Variants in ZNF91 observed in about 807,000 individuals in gnomAD.
ZNF91 encodes zinc finger protein 91 (HPF7, HTF10).
A neutral mutation model predicts 12.6 loss-of-function variants in ZNF91; 7 were observed. The observed-to-expected ratio is 0.55, with a 90% confidence interval of 0.31 to 1.04. The LOEUF is 1.04. Ranked by LOEUF, ZNF91 falls within the 50% of genes least tolerant of loss-of-function variation. ZNF91 has a pLI of 0.05. For synonymous variants in ZNF91, 453 were observed against 462.6 expected, an observed-to-expected ratio of 0.98 and a Z score of 0.27; for missense variants, 1,217 against 1,385.4, an observed-to-expected ratio of 0.88 and a Z score of 1.93.
Position 23,393,321 on chromosome 19 carries a change from C to T in ZNF91, c.30+2004G>A, listed in dbSNP as rs922335009. The stretch of plus-strand genomic sequence containing the variant: ...GAAATGCCTCTCAGCCTCAGGGCAT[C>T]CACGTCCACACTTGAGAAGCTAAAC... On this transcript the variant is annotated intron_variant, in intron 1 of 3. Coordinates refer to ENST00000300619, the MANE Select transcript of ZNF91 (RefSeq NM_003430.4). Among the ~76,000 whole-genome samples, 37 of 152,240 alleles carry T rather than the reference C, an allele frequency of 2.4e-4. 1 individual carries two copies. The highest frequency in any genetic ancestry group is 7.5e-4 in the African/African-American group (31 of 41,552).
chr19:23,349,303 A>G (rs1968305544), intron 3 of ZNF91, among the ~76,000 whole-genome samples: 1 of 152,148 alleles, frequency 6.6e-6, no homozygotes, highest in Non-Finnish European at 1.5e-5. Context: ...TGGTCCTACC[A>G]ATATGTGATG....
intron 1 of ZNF91, among the ~76,000 whole-genome samples, chr19:23,388,965 CAG>C (rs938577446): frequency 2.0e-5 from 3 of 152,104 alleles, no homozygotes; most frequent in African/African-American, 7.2e-5. Flanking sequence ...AACATGAACA[CAG>C]AGGGGAACAA....
chr19:23,376,562 T>C (rs958159903), intron 1 of ZNF91, among the ~76,000 whole-genome samples: 2 of 152,060 alleles, frequency 1.3e-5, no homozygotes, highest in Non-Finnish European at 1.5e-5. Context: ...GCTAATTTTG[T>C]ATTTTTTGTA....
intron 3 of ZNF91, chr19:23,342,135 C>T (rs1017541530): frequency 4.8e-6 from 2 of 420,962 alleles, no homozygotes; most frequent in African/African-American, 2.0e-5. Flanking sequence ...TCGTATCCCT[C>T]GTCTCTGTTA....
intron 1 of ZNF91, chr19:23,380,266 C>CAAAAAAAAAAAAAA (rs199502898): frequency 1.3e-4 from 7 of 52,728 alleles, no homozygotes; most frequent in South Asian, 7.9e-4. Context: ...AAATCCGTCT[C>CAAAAAAAAAAAAAA]AAAAAAAAAA....
intron 1 of ZNF91, chr19:23,380,263 TCTCAA>T (rs1969657071): frequency 4.2e-5 from 1 of 23,638 alleles, no homozygotes. Flanking sequence ...GGAAAATCCG[TCTCAA>T]AAAAAAAAAA....
Position 23,360,268 on chromosome 19 carries a change from T to G in ZNF91, c.2711A>C (p.His904Pro), listed in dbSNP as rs1039280231. 2.2e-5 allele frequency: 36 copies of G among 1,613,884 alleles called. No homozygotes were observed. The highest frequency in any genetic ancestry group is 2.5e-5 in the Non-Finnish European group (30 of 1,179,862). ...ACATTTGTAGGTTTTCTCTCTGGTA[T>G]GAATTCTCTTATGTTCAGTAAGGGT... is the stretch of plus-strand genomic sequence containing the variant. ...SSTLTEHKRI[H>P]TREKTYKCEE... Residue 904 changes from histidine (H) to proline (P), a missense_variant, in exon 4 of 4, where the codon CAT (histidine) becomes CCT (proline). By Grantham distance (77) the His-to-Pro change is moderately conservative. Around this residue, in one of 2 missense-constraint regions of ZNF91, gnomAD observed 491 missense variants for 489.8 expected, o/e 1.00. Transcript: ENST00000300619.
chr19:23,341,114 G>C (rs980136678), intron 3 of ZNF91, among the ~76,000 whole-genome samples: 1 of 148,532 alleles, frequency 6.7e-6, no homozygotes, highest in Non-Finnish European at 1.5e-5. Context: ...GCAGTGGTAC[G>C]ATCTCAGCTC....
downstream of ZNF91, among the ~76,000 whole-genome samples, chr19:23,356,734 A>T (rs2145039763): frequency 6.6e-6 from 1 of 152,228 alleles, no homozygotes; most frequent in South Asian, 2.1e-4. Context: ...CTTATGGAAC[A>T]ATAAAATTTT....
At chr19:23,381,466 T>C (rs972268471) in intron 1 of ZNF91, among the ~76,000 whole-genome samples, 1 of 150,830 alleles carries the variant, frequency 6.6e-6, no homozygotes, top group African/African-American at 2.4e-5. Context: ...CTTTCTCTTT[T>C]TTTTTTTTTT....
chr19:23,353,144 C>T (rs913185409), downstream of ZNF91, among the ~76,000 whole-genome samples: 4 of 152,104 alleles, frequency 2.6e-5, no homozygotes, highest in African/African-American at 7.2e-5. Context: ...ATCCAACAAC[C>T]GCAGAACACA....
At chr19:23,346,278 G>T (rs970640604) in intron 3 of ZNF91, among the ~76,000 whole-genome samples, 2 of 151,974 alleles carry the variant, frequency 1.3e-5, no homozygotes, top group Admixed American at 1.3e-4. Context: ...GACGAGGACC[G>T]TATCTAGACC....
intron 1 of ZNF91, among the ~76,000 whole-genome samples, chr19:23,375,284 C>T (rs900842191): frequency 1.3e-5 from 2 of 151,994 alleles, no homozygotes; most frequent in African/African-American, 4.8e-5. Flanking sequence ...CTCAGCCTCC[C>T]GAGTAGCAGG....
At chr19:23,367,597 C>A (rs1969065701) in intron 3 of ZNF91, among the ~76,000 whole-genome samples, 1 of 151,722 alleles carries the variant, frequency 6.6e-6, no homozygotes, top group Non-Finnish European at 1.5e-5. Context: ...AGCCAAACAC[C>A]CATGGAAAAA....
At chr19:23,385,547 G>GT in intron 1 of ZNF91, among the ~76,000 whole-genome samples, 1 of 152,332 alleles carries the variant, frequency 6.6e-6, no homozygotes. Flanking sequence ...CATTGGTGAT[G>GT]TTTGGCTCAG....
chr19:23,320,621 CTG>C (rs1967669050), intron 1 of ZNF91, among the ~76,000 whole-genome samples: 1 of 152,196 alleles, frequency 6.6e-6, no homozygotes, highest in Non-Finnish European at 1.5e-5. Context: ...ATGGGGGAAA[CTG>C]TCCCATGATC....
intron 1 of ZNF91, among the ~76,000 whole-genome samples, chr19:23,310,092 T>C (rs1033612244): frequency 1.3e-5 from 2 of 152,116 alleles, no homozygotes; most frequent in African/African-American, 2.4e-5. Context: ...ATGTCGACTG[T>C]CATACCTGGG....
rs1368869967 is a variant in ZNF91, at chr19:23,359,058, C to T, written c.*345G>A. ...AGGGTTGCTGTCCAGTATGAATTTT[C>T]TTATGTCTGGTTAGGGCTGAGGACC... is the stretch of plus-strand genomic sequence containing the variant. On this transcript the variant is annotated 3_prime_UTR_variant, in exon 4 of 4. Coordinates refer to ENST00000300619, the MANE Select transcript of ZNF91 (RefSeq NM_003430.4). The T allele has an allele frequency of 3.7e-6, 2 of 546,724 alleles. No homozygotes were observed. Among genetic ancestry groups the T allele is most frequent in the Non-Finnish European group, 7.1e-6 (2 of 283,540 alleles). The allele number at this position is 546,724 out of a possible 1,614,324, so 33.9% of individuals were successfully genotyped here.
At position 23,358,714 on chromosome 19, in the gene ZNF91, G is replaced by C. The variant is rs1458627034; in HGVS notation, c.*689C>G. On this transcript the variant is annotated 3_prime_UTR_variant, in exon 4 of 4. Coordinates refer to ENST00000300619, the MANE Select transcript of ZNF91 (RefSeq NM_003430.4). ...TTGTTCACACTGGTAGTTTTCTCCA[G>C]TATGAATTATCTTACCTACGATCAA... 6.3e-6 allele frequency: 1 copy of C among 158,328 alleles called. No individual in the cohort carries two copies. The highest frequency in any genetic ancestry group is 1.4e-5 in the Non-Finnish European group (1 of 71,546). The allele number at this position is 158,328 out of a possible 1,614,324, so 9.8% of individuals were successfully genotyped here.
Sources: allele counts gnomAD v4.1 joint callset (sites outside exome capture counted in the v4.1 genomes callset), GRCh38; gene constraint gnomAD v4.1.1; regional missense constraint gnomAD v4.1.1; transcripts MANE v1.5; gene names NCBI Gene and HGNC (gene_info 2026-07-23, HGNC 2026-07-21).